Variants in GLUL observed in about 807,000 individuals in gnomAD.
The protein encoded by GLUL is glutamine synthetase.
Under a neutral mutation model 36.9 loss-of-function variants are expected in GLUL, and 8 were observed. The ratio of observed to expected loss-of-function variants is 0.22; its 90% CI spans 0.13 to 0.39. The LOEUF is 0.39. Among genes scored for constraint, GLUL ranks in the 10% least tolerant of loss-of-function variants. The pLI is 1.00. For missense variants in GLUL, 315 were observed against 501.8 expected (o/e 0.63, Z 3.56); for synonymous variants, 182 against 172.8 (o/e 1.05, Z -0.42).
At chr1:182,391,597 A>C in intron 1 of GLUL, 82 bp downstream of exon 1, 1 of 181,224 alleles carries the variant, frequency 5.5e-6, no homozygotes, top group African/African-American at 2.3e-5. Flanking sequence ...GCAGCCGAAA[A>C]AAGAGGCTGG....
intron 1 of GLUL, chr1:182,390,776 G>A: frequency 2.5e-6 from 1 of 399,162 alleles, no homozygotes; most frequent in Non-Finnish European, 4.4e-6. Flanking sequence ...CGACCCGGAG[G>A]AGTCTGACTT....
Position 182,379,708 on chromosome 1 carries a change from G to A in GLUL, c.*4697C>T, listed in dbSNP as rs4652703. ...TGCCACCACGCCCAGCTAATTTTTC[G>A]TATTTTTTGTAGAGATGGGGTTTTG... On this transcript the variant is annotated 3_prime_UTR_variant, in exon 7 of 7. Transcript: ENST00000331872. Among the ~76,000 whole-genome samples the A allele has an allele frequency of 2.6e-5, 4 of 151,522 alleles. No individual in the cohort carries two copies. Among genetic ancestry groups the A allele is most frequent in the Admixed American group, 6.6e-5 (1 of 15,202 alleles).
At position 182,390,713 on chromosome 1, in the gene GLUL, G is replaced by A. The variant is rs954104168; in HGVS notation, c.-14+966C>T. 2.1e-4 allele frequency: 82 copies of A among 398,996 alleles called. No individual in the cohort carries two copies. Among genetic ancestry groups the A allele is most frequent in the Non-Finnish European group, 4.9e-5 (11 of 226,136 alleles). The allele number at this position is 398,996 out of a possible 1,614,324, so 24.7% of individuals were successfully genotyped here. On this transcript the variant is annotated intron_variant, in intron 1 of 6. Transcript: ENST00000331872. The stretch of plus-strand genomic sequence containing the variant: ...GGTTAAGGTCTTAATCTTGACTCGA[G>A]ATCTCTCCCCGGAGTTCACAGAGTA...
chr1:182,391,070 G>A, intron 1 of GLUL: 1 of 398,326 alleles, frequency 2.5e-6, no homozygotes, highest in East Asian at 3.6e-5. Context: ...CGCCCGGACC[G>A]GCTTCTCCAC....
Position 182,385,273 on chromosome 1 carries a change from G to A in GLUL, c.803+84C>T, listed in dbSNP as rs1480247878. On this transcript the variant is annotated intron_variant, in intron 6 of 6. Coordinates refer to ENST00000331872, the MANE Select transcript of GLUL (RefSeq NM_001033044.4). ...AATATTTGCAAGTCATCCTGCAAAGGAGACTTTGCTGAGAGATTGCTAAGT... is the reference window on the plus strand; with the variant it reads ...AATATTTGCAAGTCATCCTGCAAAGAAGACTTTGCTGAGAGATTGCTAAGT... The A allele has an allele frequency of 5.8e-6, 6 of 1,038,654 alleles. No homozygotes were observed. The East Asian group carries it at 1.2e-4, about 21-fold the overall frequency. The allele number at this position is 1,038,654 out of a possible 1,614,324, so 64.3% of individuals were successfully genotyped here. A position where few individuals can be genotyped will look rare whatever the true frequency, so the allele number is the denominator to read the frequency against.
At chr1:182,391,364 G>C in intron 1 of GLUL, 1 of 397,904 alleles carries the variant, frequency 2.5e-6, no homozygotes, top group Admixed American at 4.4e-5. Context: ...GCGCAGGCCG[G>C]CCCAACGGCC....
intron 1 of GLUL, chr1:182,391,245 C>T (rs1392326593): frequency 1.0e-5 from 4 of 398,762 alleles, no homozygotes; most frequent in Non-Finnish European, 1.8e-5. Flanking sequence ...GGCCCCACCA[C>T]GAGGAAGGCA....
rs889855275 is a variant in GLUL at position 182,388,745 on chromosome 1, G to C, written c.-8C>G. Reference sequence around the variant, plus strand: ...ACTTGCTGAGGTGGTCATGGTGGAAGGTGTTCTGGAGAAGAAAAAAAGAAT... The same window carrying C: ...ACTTGCTGAGGTGGTCATGGTGGAACGTGTTCTGGAGAAGAAAAAAAGAAT... On this transcript the variant is annotated 5_prime_UTR_variant, in exon 2 of 7. Transcript: ENST00000331872. The C allele has an allele frequency of 5.6e-6, 9 of 1,612,696 alleles. No homozygotes were observed. The African/African-American group carries it at 1.1e-4, about 19-fold the overall frequency.
chr1:182,387,057 C>T (rs779945271), intron 3 of GLUL, 74 bp downstream of exon 3: 40 of 1,179,860 alleles, frequency 3.4e-5, no homozygotes, highest in Non-Finnish European at 5.1e-5. Context: ...ATGCTGATTT[C>T]AGAATGTCTT....
chr1:182,386,944 A>G, intron 3 of GLUL, 187 bp downstream of exon 3: 1 of 657,508 alleles, frequency 1.5e-6, no homozygotes, highest in Non-Finnish European at 2.8e-6. Context: ...AACAGAGAAG[A>G]CCATAGAAAG....
Position 182,384,307 on chromosome 1 carries a change from C to G in GLUL, c.*98G>C. Reference sequence around the variant, plus strand: ...GAATGAAAAAAACGACCTTGATATTCCACCCTTTGAGTTACAATCGGGACA... The same window carrying G: ...GAATGAAAAAAACGACCTTGATATTGCACCCTTTGAGTTACAATCGGGACA... On this transcript the variant is annotated 3_prime_UTR_variant, in exon 7 of 7. Coordinates refer to ENST00000331872, the MANE Select transcript of GLUL (RefSeq NM_001033044.4). The G allele has an allele frequency of 1.2e-6, 1 of 861,424 alleles. No homozygotes were observed. The highest frequency in any genetic ancestry group is 1.4e-5 in the South Asian group (1 of 70,284). 53.4% of individuals were successfully genotyped at this position (861,424 alleles called of 1,614,324 possible).
chr1:182,391,031 C>T (rs1571412910), intron 1 of GLUL: 2 of 397,360 alleles, frequency 5.0e-6, no homozygotes. Context: ...GGGGCGCAGG[C>T]CGTAGGGACT....
At position 182,388,769 on chromosome 1, in the gene GLUL, A is replaced by G; in HGVS notation, c.-13-19T>C. On this transcript the variant is annotated intron_variant, in intron 1 of 6. Transcript: ENST00000331872. ...AGGTGTTCTGGAGAAGAAAAAAAGA[A>G]TAACATTGTTAACGCCCACTCCAAA... is the stretch of plus-strand genomic sequence containing the variant. 2 of 1,602,488 alleles carry G rather than the reference A, an allele frequency of 1.2e-6. No individual in the cohort carries two copies. The highest frequency in any genetic ancestry group is 1.7e-6 in the Non-Finnish European group (2 of 1,169,472).
rs189205098 is a variant in GLUL at position 182,384,981 on chromosome 1, T to C, written c.804-258A>G. ...ATCCACATGCCTGTATTGTTACTAA[T>C]TTAGTTCTAAAAGATTTTCAAATGC... On this transcript the variant is annotated intron_variant, in intron 6 of 6. Coordinates refer to ENST00000331872, the MANE Select transcript of GLUL (RefSeq NM_001033044.4). 2,411 of 483,290 alleles carry C rather than the reference T, an allele frequency of 5.0e-3. 8 individuals are homozygous for C. The highest frequency in any genetic ancestry group is 5.8e-3 in the Non-Finnish European group (1,568 of 270,764). The allele number at this position is 483,290 out of a possible 1,614,324, so 29.9% of individuals were successfully genotyped here. A position where few individuals can be genotyped will look rare whatever the true frequency, so the allele number is the denominator to read the frequency against.
At chr1:182,390,969 CG>C in intron 1 of GLUL, 1 of 376,420 alleles carries the variant, frequency 2.7e-6, no homozygotes, top group East Asian at 3.8e-5. Context: ...CAGGGCCTCA[CG>C]GAGGTGGCCA....
chr1:182,380,084 G>A lies in GLUL; in HGVS notation c.*4321C>T, dbSNP rs1379239573. On this transcript the variant is annotated 3_prime_UTR_variant, in exon 7 of 7. Transcript: ENST00000331872. ...GCTGGTCTCAAACTCCCGATCTCAGGTGATCCACCTGCCTCGGCCTCTCAA... is the reference window on the plus strand; with the variant it reads ...GCTGGTCTCAAACTCCCGATCTCAGATGATCCACCTGCCTCGGCCTCTCAA... Among the ~76,000 whole-genome samples the A allele has an allele frequency of 6.6e-6, 1 of 152,042 alleles. No homozygotes were observed. The highest frequency in any genetic ancestry group is 1.5e-5 in the Non-Finnish European group (1 of 68,002).
chr1:182,385,026 C>A, intron 6 of GLUL: 1 of 363,768 alleles, frequency 2.7e-6, no homozygotes, highest in Non-Finnish European at 4.9e-6. Context: ...TCAACTTTTC[C>A]CTGTCACCAT....
rs1405468821 is a variant in GLUL, at chr1:182,379,546, A to G, written c.*4859T>C. 6.6e-6 allele frequency among the ~76,000 whole-genome samples: 1 copy of G among 151,710 alleles called. No homozygotes were observed. The highest frequency in any genetic ancestry group is 1.5e-5 in the Non-Finnish European group (1 of 67,952). On this transcript the variant is annotated 3_prime_UTR_variant, in exon 7 of 7. Transcript: ENST00000331872. ...CCTAAACTGCCAGTTTACATCAGTT[A>G]TAATTTTTTTTTGTTTTTTTGAGAC...
intron 6 of GLUL, 114 bp from the exon 7 acceptor site, chr1:182,384,837 G>C (rs1285206012): frequency 1.3e-6 from 1 of 786,550 alleles, no homozygotes; most frequent in East Asian, 2.5e-5. Flanking sequence ...GGCAGTGGCT[G>C]CATCTTCTTA....
Sources: gnomAD v4.1 joint callset for allele counts (sites outside exome capture counted in the v4.1 genomes callset) on GRCh38, gnomAD v4.1.1 for gene constraint, MANE v1.5 for transcripts, NCBI Gene and HGNC (gene_info 2026-07-23, HGNC 2026-07-21) for gene names.